Variants in SLC44A1 observed in about 807,000 individuals in gnomAD.
The protein encoded by SLC44A1 is solute carrier family 44 member 1, also known as choline transporter-like protein 1.
A neutral mutation model predicts 79.3 loss-of-function variants in SLC44A1; 26 were observed. The ratio of observed to expected loss-of-function variants is 0.33; its 90% CI spans 0.24 to 0.46. SLC44A1 has a LOEUF of 0.46. Ranked by LOEUF, SLC44A1 falls within the 20% of genes least tolerant of loss-of-function variation. The pLI is 1.00. For missense variants in SLC44A1, 688 were observed against 798.1 expected (o/e 0.86, Z 1.66); for synonymous variants, 263 against 286.2 (o/e 0.92, Z 0.82).
At chr9:105,253,647 T>G (rs1219714119) in intron 1 of SLC44A1, among the ~76,000 whole-genome samples, 2 of 152,080 alleles carry the variant, frequency 1.3e-5, no homozygotes, top group Non-Finnish European at 2.9e-5. Context: ...GGGAGGAAGA[T>G]CTCTTGAGTC....
rs186814915 is a variant in SLC44A1 at position 105,391,665 on chromosome 9, T to C, written c.*2609T>C. 7.0e-4 allele frequency: 689 copies of C among 985,422 alleles called. No homozygotes were observed. Among genetic ancestry groups the C allele is most frequent in the Non-Finnish European group, 7.7e-4 (637 of 829,930 alleles). The allele number at this position is 985,422 out of a possible 1,614,324, so 61.0% of individuals were successfully genotyped here. ...GTTATGTTTGGATATTCCTGCTGCCTCTTTTCATTCATTTCAAGTCATTCT... is the reference window on the plus strand; with the variant it reads ...GTTATGTTTGGATATTCCTGCTGCCCCTTTTCATTCATTTCAAGTCATTCT... On this transcript the variant is annotated 3_prime_UTR_variant, in exon 16 of 16. Coordinates refer to ENST00000374720, the MANE Select transcript of SLC44A1 (RefSeq NM_080546.5).
downstream of SLC44A1, among the ~76,000 whole-genome samples, chr9:105,401,692 C>T (rs1236821685): frequency 6.6e-6 from 1 of 152,124 alleles, no homozygotes; most frequent in Non-Finnish European, 1.5e-5. Context: ...TCTCACATTT[C>T]CTGGAAATTG....
chr9:105,406,716 C>G (rs185309739), intron 15 of SLC44A1, among the ~76,000 whole-genome samples: 1 of 151,938 alleles, frequency 6.6e-6, no homozygotes, highest in East Asian at 1.9e-4. Flanking sequence ...CACTCCAGCC[C>G]GGGTGACAGA....
chr9:105,358,268 A>G (rs1827678948), intron 6 of SLC44A1, 76 bp from the exon 7 acceptor site: 2 of 831,970 alleles, frequency 2.4e-6, no homozygotes, highest in Admixed American at 2.3e-5. Context: ...GAAAAAAGCA[A>G]CCATTTAAAG....
At chr9:105,353,687 TAGTG>T (rs912444404) in intron 5 of SLC44A1, among the ~76,000 whole-genome samples, 38 of 152,006 alleles carry the variant, frequency 2.5e-4, no homozygotes, top group African/African-American at 8.9e-4. Context: ...CCGAGAAAAA[TAGTG>T]GGTACTGAAA....
chr9:105,374,770 A>C (rs1387088948), intron 13 of SLC44A1, 35 bp downstream of exon 13: 3 of 1,521,434 alleles, frequency 2.0e-6, no homozygotes, highest in African/African-American at 1.4e-5. Flanking sequence ...ACATACAGTA[A>C]AATTTTGCAT....
Position 105,394,758 on chromosome 9 carries a change from A to T in SLC44A1, c.*5702A>T. The T allele has an allele frequency of 1.0e-6, 1 of 985,412 alleles. No homozygotes were observed. The highest frequency in any genetic ancestry group is 1.2e-6 in the Non-Finnish European group (1 of 829,926). The allele number at this position is 985,412 out of a possible 1,614,324, so 61.0% of individuals were successfully genotyped here. On this transcript the variant is annotated 3_prime_UTR_variant, in exon 16 of 16. Coordinates refer to ENST00000374720, the MANE Select transcript of SLC44A1 (RefSeq NM_080546.5). ...GTTGGCAAAAAATAAATTTGGTAGAAAGTTGGAGGAGCAGATGCTGAAGGT... is the reference window on the plus strand; with the variant it reads ...GTTGGCAAAAAATAAATTTGGTAGATAGTTGGAGGAGCAGATGCTGAAGGT...
chr9:105,246,448 T>C (rs1035199534), intron 1 of SLC44A1, among the ~76,000 whole-genome samples: 5 of 151,894 alleles, frequency 3.3e-5, no homozygotes, highest in African/African-American at 1.2e-4. Flanking sequence ...TCAGGCTTTT[T>C]GGTGTAGTTA....
chr9:105,400,238 C>T (rs1828939369), downstream of SLC44A1, among the ~76,000 whole-genome samples: 1 of 152,054 alleles, frequency 6.6e-6, no homozygotes, highest in Admixed American at 6.6e-5. Context: ...TGCCTGTAAT[C>T]CCAGCACTTT....
Position 105,299,242 on chromosome 9 carries a change from C to T in SLC44A1, c.59C>T (p.Pro20Leu), listed in dbSNP as rs1183559007. The change falls in exon 2 of 16, where the codon CCG (proline) becomes CTG (leucine). Residue 20 changes from proline (P) to leucine (L), a missense_variant. Physicochemically the swap from Pro to Leu is moderately conservative, Grantham distance 98. Transcript: ENST00000374720. ...AAQSSKREWK[P>L]LEDRSCTDIP... ...TAGAGCTCCAAACGAGAATGGAAGC[C>T]GCTGGAGGACCGTAGCTGCACAGAC... is the stretch of plus-strand genomic sequence containing the variant. 15 of 1,590,238 alleles carry T rather than the reference C, an allele frequency of 9.4e-6. No individual in the cohort carries two copies. The highest frequency in any genetic ancestry group is 4.6e-5 in the East Asian group (2 of 43,386).
chr9:105,341,289 C>T (rs538808153), intron 4 of SLC44A1, among the ~76,000 whole-genome samples: 67 of 147,974 alleles, frequency 4.5e-4, no homozygotes, highest in South Asian at 2.1e-3. Flanking sequence ...GAGCTGAGAT[C>T]GTGCCACTGC....
intron 15 of SLC44A1, among the ~76,000 whole-genome samples, chr9:105,417,920 G>A (rs1008333214): frequency 1.3e-5 from 2 of 151,254 alleles, no homozygotes; most frequent in South Asian, 4.2e-4. Context: ...AGAGGACTGA[G>A]GCAGGAGTTT....
intron 1 of SLC44A1, among the ~76,000 whole-genome samples, chr9:105,259,340 G>A (rs753868441): frequency 8.5e-5 from 13 of 152,078 alleles, no homozygotes; most frequent in Non-Finnish European, 1.6e-4. Flanking sequence ...CATGGCCTTC[G>A]AAAGGGTTAA....
chr9:105,424,994 C>T (rs765119256), intron 15 of SLC44A1, among the ~76,000 whole-genome samples: 1 of 149,868 alleles, frequency 6.7e-6, no homozygotes, highest in Non-Finnish European at 1.5e-5. Context: ...ACTAACTACA[C>T]TCACATTTTG....
chr9:105,381,912 A>G (rs778661652), intron 13 of SLC44A1, among the ~76,000 whole-genome samples: 5 of 152,230 alleles, frequency 3.3e-5, no homozygotes, highest in South Asian at 4.1e-4. Context: ...TGGTCTGCCT[A>G]TTATTCTTAA....
chr9:105,318,804 T>C (rs1826287556), intron 3 of SLC44A1, among the ~76,000 whole-genome samples: 1 of 151,986 alleles, frequency 6.6e-6, no homozygotes, highest in African/African-American at 2.4e-5. Flanking sequence ...AAAACCTGTT[T>C]AACAGAATTA....
chr9:105,257,863 G>A (rs1237763082), intron 1 of SLC44A1, among the ~76,000 whole-genome samples: 1 of 152,186 alleles, frequency 6.6e-6, no homozygotes, highest in African/African-American at 2.4e-5. Context: ...GTGAAGAGAT[G>A]TTATGTTGCA....
chr9:105,390,265 T>A lies in SLC44A1; in HGVS notation c.*1209T>A. 9.6e-7 allele frequency: 1 copy of A among 1,041,348 alleles called. No homozygotes were observed. Among genetic ancestry groups the A allele is most frequent in the Non-Finnish European group, 1.2e-6 (1 of 866,878 alleles). The allele number at this position is 1,041,348 out of a possible 1,614,324, so 64.5% of individuals were successfully genotyped here. A position where few individuals can be genotyped will look rare whatever the true frequency, so the allele number is the denominator to read the frequency against. ...TTGTTCTGCTTGTTGTAATGGTGAA[T>A]GCTTTAAGAAAAAAAAGTGTAATTT... On this transcript the variant is annotated 3_prime_UTR_variant, in exon 16 of 16. Transcript: ENST00000374720.
intron 6 of SLC44A1, among the ~76,000 whole-genome samples, chr9:105,357,501 T>TA (rs1180859133): frequency 3.3e-5 from 5 of 152,330 alleles, no homozygotes; most frequent in Admixed American, 2.0e-4. Flanking sequence ...AATATAATCT[T>TA]AAAAAATCTT....
Sources: gnomAD v4.1 joint callset for allele counts (sites outside exome capture counted in the v4.1 genomes callset) on GRCh38, gnomAD v4.1.1 for gene constraint, MANE v1.5 for transcripts, NCBI Gene and HGNC (gene_info 2026-07-23, HGNC 2026-07-21) for gene names.